The following RBM26 variants were observed in gnomAD, a reference collection of about 807,000 sequenced individuals.
RBM26 encodes the protein RNA binding motif protein 26.
Under a neutral mutation model 123.6 loss-of-function variants are expected in RBM26, and 30 were observed. That is an observed-to-expected ratio of 0.24 (90% CI 0.18 to 0.33). RBM26 has a LOEUF of 0.33. RBM26 is among the 10% of genes least tolerant of loss of function. The pLI is 1.00. For synonymous variants in RBM26, 400 were observed against 404.4 expected, an observed-to-expected ratio of 0.99 and a Z score of 0.13; for missense variants, 947 against 1,203.6, an observed-to-expected ratio of 0.79 and a Z score of 3.15.
At chr13:79,375,098 A>ATATATCATATAAATATATATT (rs1566518205) in intron 3 of RBM26, among the ~76,000 whole-genome samples, 13 of 1,194 alleles carry the variant, frequency 0.011, no homozygotes, top group East Asian at 0.022. Context: ...ATATATATTT[A>ATATATCATATAAATATATATT]TATATATCAT....
At chr13:79,333,744 T>C (rs1445503227) in intron 20 of RBM26, among the ~76,000 whole-genome samples, 1 of 152,166 alleles carries the variant, frequency 6.6e-6, no homozygotes, top group African/African-American at 2.4e-5. Flanking sequence ...AGGTTGCAGA[T>C]ATTCCGGTCA....
rs111251938 is a variant in RBM26 at position 79,371,936 on chromosome 13, TAA to T, written c.328-8_328-7del. ...CGCTCTTCCTCCTTAGTGATCTGATTAAAAAAAAAAAAAAAAGTGTACAAGTT... is the reference window on the plus strand; with the variant it reads ...CGCTCTTCCTCCTTAGTGATCTGATTAAAAAAAAAAAAAAGTGTACAAGTT... On this transcript the variant is annotated splice_polypyrimidine_tract_variant and splice_region_variant and intron_variant, in intron 3 of 21. Coordinates refer to ENST00000438737, the MANE Select transcript of RBM26 (RefSeq NM_001366735.2). The T allele has an allele frequency of 0.031, 39,252 of 1,269,392 alleles. No individual in the cohort carries two copies. Among genetic ancestry groups the T allele is most frequent in the South Asian group, 0.039 (2,872 of 73,716 alleles). 78.6% of individuals were successfully genotyped at this position (1,269,392 alleles called of 1,614,324 possible).
chr13:79,379,069 T>G (rs185435110), intron 1 of RBM26, among the ~76,000 whole-genome samples, 162 bp from the exon 2 acceptor site: 1 of 152,274 alleles, frequency 6.6e-6, no homozygotes, highest in Non-Finnish European at 1.5e-5. Context: ...CTCTTTATAC[T>G]AACACTCCTT....
At chr13:79,352,887 G>C (rs775964080) in intron 14 of RBM26, among the ~76,000 whole-genome samples, 10 of 151,928 alleles carry the variant, frequency 6.6e-5, no homozygotes, top group Non-Finnish European at 1.5e-4. Flanking sequence ...TATCTCTAAA[G>C]AAAACAAAGT....
chr13:79,330,669 T>C (rs556462310), intron 20 of RBM26, among the ~76,000 whole-genome samples: 1 of 152,286 alleles, frequency 6.6e-6, no homozygotes, highest in Non-Finnish European at 1.5e-5. Flanking sequence ...TTTAGTAATA[T>C]TTGTAATGTT....
At chr13:79,331,051 C>G (rs532825253) in intron 20 of RBM26, among the ~76,000 whole-genome samples, 1 of 114,616 alleles carries the variant, frequency 8.7e-6, no homozygotes, top group East Asian at 4.2e-4. Context: ...GGCTCTGTCG[C>G]CCAGGCTGAA....
chr13:79,401,945 T>G (rs2079084894), intron 1 of RBM26, among the ~76,000 whole-genome samples: 1 of 151,878 alleles, frequency 6.6e-6, no homozygotes, highest in African/African-American at 2.4e-5. Context: ...AAAACCTCAG[T>G]ACGTCATTAC....
intron 1 of RBM26, among the ~76,000 whole-genome samples, chr13:79,404,948 A>G (rs777625326): frequency 1.1e-4 from 17 of 152,182 alleles, no homozygotes; most frequent in Admixed American, 6.5e-4. Context: ...CCATTGCATT[A>G]TTGTAAATCA....
At chr13:79,356,369 CAA>C (rs72305160) in intron 11 of RBM26, among the ~76,000 whole-genome samples, 22 of 83,490 alleles carry the variant, frequency 2.6e-4, no homozygotes, top group East Asian at 1.2e-3. Context: ...GACTCTGTCT[CAA>C]AAAAAAAAAA....
intron 3 of RBM26, among the ~76,000 whole-genome samples, chr13:79,373,547 T>A (rs11616759): frequency 4.1e-5 from 4 of 96,402 alleles, no homozygotes; most frequent in Non-Finnish European, 7.4e-5. Context: ...ATAATATATT[T>A]ATATATTACT....
At chr13:79,316,192 GGTGTGTGTGTGTGTGT>G (rs3064578), downstream of RBM26, among the ~76,000 whole-genome samples, 13 of 141,996 alleles carry the variant, frequency 9.2e-5, no homozygotes, top group Admixed American at 2.8e-4. Context: ...AAGTGGGGCA[GGTGTGTGTGTGTGTGT>G]GTGTGTGTGT....
At chr13:79,388,284 T>TG (rs1238193454) in intron 1 of RBM26, among the ~76,000 whole-genome samples, 1 of 152,176 alleles carries the variant, frequency 6.6e-6, no homozygotes, top group Non-Finnish European at 1.5e-5. Flanking sequence ...TAAGTAGAGA[T>TG]GGGGTTTCAC....
chr13:79,357,187 CTA>C (rs1340324977), intron 11 of RBM26, among the ~76,000 whole-genome samples: 1 of 152,044 alleles, frequency 6.6e-6, no homozygotes, highest in Non-Finnish European at 1.5e-5. Flanking sequence ...CCTTTAAATT[CTA>C]TGTATATATC....
At chr13:79,354,340 C>A in intron 13 of RBM26, 99 bp downstream of exon 13, 1 of 1,024,666 alleles carries the variant, frequency 9.8e-7, no homozygotes, top group East Asian at 2.9e-5. Flanking sequence ...TATCATATTT[C>A]TATGTAAAAT....
intron 3 of RBM26, among the ~76,000 whole-genome samples, chr13:79,373,699 T>TA (rs1555331754): frequency 2.2e-4 from 5 of 22,680 alleles, no homozygotes; most frequent in Non-Finnish European, 3.2e-4. Flanking sequence ...ATATATAATA[T>TA]TTTATATATA....
intron 9 of RBM26, among the ~76,000 whole-genome samples, chr13:79,362,298 C>T (rs2139764314): frequency 6.6e-6 from 1 of 152,280 alleles, no homozygotes; most frequent in East Asian, 1.9e-4. Flanking sequence ...TCTAAGCCTC[C>T]AAATTAAATA....
chr13:79,377,468 T>A lies in RBM26; in HGVS notation c.238A>T (p.Ser80Cys). The change falls in exon 3 of 22, where the codon AGT becomes TGT. Residue 80 changes from serine to cysteine, a missense_variant. Physicochemically the swap from Ser to Cys is moderately radical, Grantham distance 112. Coordinates refer to ENST00000438737, the MANE Select transcript of RBM26 (RefSeq NM_001366735.2). ...EKLFDAVNTK[S>C]YLPPPEQPSS... ...GGCTGCTCTGGAGGAGGTAGGTAAC[T>A]CTTTGTATTCACAGCATCAAAAAGT... 1 of 1,612,920 alleles carries A rather than the reference T, an allele frequency of 6.2e-7. No individual in the cohort carries two copies. The highest frequency in any genetic ancestry group is 8.5e-7 in the Non-Finnish European group (1 of 1,178,898).
chr13:79,348,363 C>A lies in RBM26; in HGVS notation c.2059-3569G>T, dbSNP rs185617119. On this transcript the variant is annotated intron_variant, in intron 14 of 21. Coordinates refer to ENST00000438737, the MANE Select transcript of RBM26 (RefSeq NM_001366735.2). Reference sequence around the variant, plus strand: ...GGGAGGTTACAATCCATTAACACCTCCTTATTTTATTTCCTATGTAAAATA... The same window carrying A: ...GGGAGGTTACAATCCATTAACACCTACTTATTTTATTTCCTATGTAAAATA... Among the ~76,000 whole-genome samples, 700 of 152,140 alleles carry A rather than the reference C, an allele frequency of 4.6e-3. 11 individuals carry two copies. The highest frequency in any genetic ancestry group is 0.023 in the South Asian group (111 of 4,826).
intron 20 of RBM26, among the ~76,000 whole-genome samples, chr13:79,327,303 A>G (rs1391211955): frequency 6.6e-6 from 1 of 152,052 alleles, no homozygotes; most frequent in Non-Finnish European, 1.5e-5. Context: ...CTCAAAAAAA[A>G]AAAAAAAAAA....
Sources: gnomAD v4.1 joint callset for allele counts (sites outside exome capture counted in the v4.1 genomes callset) on GRCh38, gnomAD v4.1.1 for gene constraint, MANE v1.5 for transcripts, NCBI Gene and HGNC (gene_info 2026-07-23, HGNC 2026-07-21) for gene names.